The following C17orf113 variants were observed in gnomAD, a reference collection of about 807,000 sequenced individuals.
C17orf113 encodes chromosome 17 open reading frame 113.
A neutral mutation model predicts 11.6 loss-of-function variants in C17orf113; 5 were observed. The observed-to-expected ratio is 0.43, with a 90% confidence interval of 0.23 to 0.91. The LOEUF is 0.91. Among genes scored for constraint, C17orf113 ranks in the 40% least tolerant of loss-of-function variants. The pLI is 0.26. For synonymous variants in C17orf113, 327 were observed against 390.6 expected, an observed-to-expected ratio of 0.84 and a Z score of 1.92; for missense variants, 714 against 841.3, an observed-to-expected ratio of 0.85 and a Z score of 1.87.
chr17:42,046,136 A>G lies in C17orf113; in HGVS notation c.-187-2573T>C, dbSNP rs149955314. Reference sequence around the variant, plus strand: ...ATCCTCTAGTTCCCCACAGCTCCCTATGCGTGAGTCTTCATGACACAATAT... The same window carrying G: ...ATCCTCTAGTTCCCCACAGCTCCCTGTGCGTGAGTCTTCATGACACAATAT... On this transcript the variant is annotated intron_variant, in intron 1 of 2. Transcript: ENST00000587304. Among the ~76,000 whole-genome samples the G allele has an allele frequency of 1.6e-3, 242 of 152,252 alleles. 2 individuals are homozygous for G. The highest frequency in any genetic ancestry group is 5.7e-3 in the African/African-American group (237 of 41,562).
intron 1 of C17orf113, among the ~76,000 whole-genome samples, chr17:42,046,843 A>G (rs1299482017): frequency 6.6e-6 from 1 of 151,902 alleles, no homozygotes; most frequent in Non-Finnish European, 1.5e-5. Flanking sequence ...GAGACTGTCA[A>G]TTAGATGATA....
chr17:42,040,816 G>C lies in C17orf113; in HGVS notation c.917C>G (p.Pro306Arg). Residue 306 changes from proline to arginine, a missense_variant, in exon 3 of 3, where the codon CCC becomes CGC. By Grantham distance (103) the Pro-to-Arg change is moderately radical. Coordinates refer to ENST00000587304, the MANE Select transcript of C17orf113 (RefSeq NM_001358661.2). ...CTCATATTGACCCAAGTAGGCCGGG[G>C]GCTCAGGATCTGTCCGGCCAGGGAG... ...HCLPGRTDPE[P>R]PAYLGQYESI... 8.1e-7 allele frequency: 1 copy of C among 1,232,292 alleles called. No homozygotes were observed. Among genetic ancestry groups the C allele is most frequent in the Non-Finnish European group, 1.0e-6 (1 of 988,040 alleles). The allele number at this position is 1,232,292 out of a possible 1,614,324, so 76.3% of individuals were successfully genotyped here.
In C17orf113 at chr17:42,040,555, C is replaced by T. The variant is rs1383073536; in HGVS notation, c.1178G>A (p.Arg393His). ...PVAGSLALALRQFTFVAFTHL... is the reference protein window; with the variant it reads ...PVAGSLALALHQFTFVAFTHL... Reference sequence around the variant, plus strand: ...GGTGAAGGCCACGAAGGTGAACTGGCGCAGGGCCAGGGCCAGTGACCCCGC... The same window carrying T: ...GGTGAAGGCCACGAAGGTGAACTGGTGCAGGGCCAGGGCCAGTGACCCCGC... The change falls in exon 3 of 3, where the codon CGC becomes CAC. Residue 393 changes from arginine to histidine, a missense_variant. This residue lies in a region of C17orf113 where 516 missense variants were observed against 626.6 expected (regional missense o/e 0.82). Coordinates refer to ENST00000587304, the MANE Select transcript of C17orf113 (RefSeq NM_001358661.2). The T allele has an allele frequency of 5.8e-5, 72 of 1,232,938 alleles. No homozygotes were observed. The highest frequency in any genetic ancestry group is 7.1e-5 in the Non-Finnish European group (70 of 988,720). The allele number at this position is 1,232,938 out of a possible 1,614,324, so 76.4% of individuals were successfully genotyped here.
rs868950281 is a variant in C17orf113, at chr17:42,043,135, G to A, written c.242C>T (p.Thr81Ile). The change falls in exon 2 of 3, where the codon ACC becomes ATC. Residue 81 changes from threonine (T) to isoleucine (I), a missense_variant. Transcript: ENST00000587304. ...CAGAGCCTGGCGGTGGGCTCCTGAG[G>A]TCACGTGGCGCAGCAGGGCGTGGCG... is the stretch of plus-strand genomic sequence containing the variant. ...FQRHALLRHV[T>I]SGAHRQALAV... The A allele has an allele frequency of 9.7e-6, 12 of 1,232,244 alleles. No homozygotes were observed. The highest frequency in any genetic ancestry group is 1.2e-5 in the Non-Finnish European group (12 of 988,034). The allele number at this position is 1,232,244 out of a possible 1,614,324, so 76.3% of individuals were successfully genotyped here.
chr17:42,040,714 T>C lies in C17orf113; in HGVS notation c.1019A>G (p.Asp340Gly). The C allele has an allele frequency of 8.1e-7, 1 of 1,232,240 alleles. No individual in the cohort carries two copies. Among genetic ancestry groups the C allele is most frequent in the Non-Finnish European group, 1.0e-6 (1 of 988,084 alleles). The allele number at this position is 1,232,240 out of a possible 1,614,324, so 76.3% of individuals were successfully genotyped here. A position where few individuals can be genotyped will look rare whatever the true frequency, so the allele number is the denominator to read the frequency against. ...CCCTGCCAAGTCAATAGCTGCAAGGTCCAGTGCTGCCCGGAGCTCAGGGAC... is the reference window on the plus strand; with the variant it reads ...CCCTGCCAAGTCAATAGCTGCAAGGCCCAGTGCTGCCCGGAGCTCAGGGAC... ...HLVPELRAAL[D>G]LAAIDLAGPR... The change falls in exon 3 of 3, where the codon GAC becomes GGC. Residue 340 changes from aspartate (D) to glycine (G), a missense_variant. By Grantham distance (94) the Asp-to-Gly change is moderately conservative. This residue lies in a region of C17orf113 where 516 missense variants were observed against 626.6 expected (regional missense o/e 0.82). Transcript: ENST00000587304.
In C17orf113 at chr17:42,040,997, C is replaced by T. The variant is rs797029316; in HGVS notation, c.736G>A (p.Glu246Lys). Reference sequence around the variant, plus strand: ...TCCAAGAGCTGGCCAGCAGTGGCCTCGCCCTCCTGTAGCTCCACACTGCCC... The same window carrying T: ...TCCAAGAGCTGGCCAGCAGTGGCCTTGCCCTCCTGTAGCTCCACACTGCCC... ...FLGSVELQEG[E>K]ATAGQLLDIL... The change falls in exon 3 of 3, where the codon GAG becomes AAG. Residue 246 changes from glutamate (E) to lysine (K), a missense_variant. Transcript: ENST00000587304. 2.4e-6 allele frequency: 3 copies of T among 1,232,266 alleles called. No individual in the cohort carries two copies. Among genetic ancestry groups the T allele is most frequent in the East Asian group, 6.3e-5 (2 of 31,714 alleles). 76.3% of individuals were successfully genotyped at this position (1,232,266 alleles called of 1,614,324 possible). A position where few individuals can be genotyped will look rare whatever the true frequency, so the allele number is the denominator to read the frequency against.
chr17:42,046,079 C>T (rs2053154454), intron 1 of C17orf113, among the ~76,000 whole-genome samples: 1 of 152,204 alleles, frequency 6.6e-6, no homozygotes, highest in African/African-American at 2.4e-5. Flanking sequence ...TCCCTTCTGC[C>T]ATGCTGATCC....
chr17:42,039,747 C>G lies in C17orf113; in HGVS notation c.1986G>C (p.Glu662Asp). 1.6e-6 allele frequency: 2 copies of G among 1,232,468 alleles called. No individual in the cohort carries two copies. Among genetic ancestry groups the G allele is most frequent in the Non-Finnish European group, 2.0e-6 (2 of 988,172 alleles). 76.3% of individuals were successfully genotyped at this position (1,232,468 alleles called of 1,614,324 possible). The change falls in exon 3 of 3, where the codon GAG becomes GAC. Residue 662 changes from glutamate to aspartate, a missense_variant. By Grantham distance (45) the Glu-to-Asp change is conservative. Coordinates refer to ENST00000587304, the MANE Select transcript of C17orf113 (RefSeq NM_001358661.2). ...CCAGGAAGCCCTCTCCCCACCCACT[C>G]TCTAAGAACTCCACAGCCAACCCGA... ...FDFGLAVEFL[E>D]SGWGEGFLGS...
chr17:42,040,144 G>A lies in C17orf113; in HGVS notation c.1589C>T (p.Pro530Leu), dbSNP rs1369560116. ...CTCGCCATGCGTGCCCAGCTCCTCC[G>A]GCGCCTGCGGGTAGCGTCGGGGGTC... ...IFDPRRYPQAPEELGTHGEGA... is the reference protein window; with the variant it reads ...IFDPRRYPQALEELGTHGEGA... Residue 530 changes from proline (P) to leucine (L), a missense_variant, in exon 3 of 3, where the codon CCG becomes CTG. This residue lies in a region of C17orf113 where 194 missense variants were observed against 197.2 expected (regional missense o/e 0.98). Coordinates refer to ENST00000587304, the MANE Select transcript of C17orf113 (RefSeq NM_001358661.2). 5 of 1,231,346 alleles carry A rather than the reference G, an allele frequency of 4.1e-6. No homozygotes were observed. In the African/African-American group the frequency reaches 7.8e-5, roughly 19 times the overall value. 76.3% of individuals were successfully genotyped at this position (1,231,346 alleles called of 1,614,324 possible).
intron 1 of C17orf113, among the ~76,000 whole-genome samples, chr17:42,046,955 C>T (rs955387203): frequency 5.1e-4 from 77 of 151,724 alleles, no homozygotes; most frequent in Admixed American, 1.6e-3. Flanking sequence ...CTCCACCTCC[C>T]GGATTCAAGC....
intron 1 of C17orf113, among the ~76,000 whole-genome samples, chr17:42,048,546 C>G (rs1390099761): frequency 3.9e-5 from 6 of 152,064 alleles, no homozygotes; most frequent in Non-Finnish European, 8.8e-5. Flanking sequence ...GACCCTGTCT[C>G]TAAAAACAAA....
At position 42,043,122 on chromosome 17, in the gene C17orf113, G is replaced by T; in HGVS notation, c.255C>A (p.His85Gln). 8.1e-7 allele frequency: 1 copy of T among 1,232,274 alleles called. No homozygotes were observed. Among genetic ancestry groups the T allele is most frequent in the Non-Finnish European group, 1.0e-6 (1 of 988,038 alleles). The allele number at this position is 1,232,274 out of a possible 1,614,324, so 76.3% of individuals were successfully genotyped here. ...CCTGGTTGACAGCCAGAGCCTGGCG[G>T]TGGGCTCCTGAGGTCACGTGGCGCA... ...ALLRHVTSGA[H>Q]RQALAVNQGQ... The change falls in exon 2 of 3, where the codon CAC (histidine) becomes CAA (glutamine). Residue 85 changes from histidine (H) to glutamine (Q), a missense_variant. By Grantham distance (24) the His-to-Gln change is conservative. Transcript: ENST00000587304.
In C17orf113 at chr17:42,043,145, G is replaced by A. The variant is rs1370981904; in HGVS notation, c.232C>T (p.Arg78Cys). The A allele has an allele frequency of 2.0e-5, 25 of 1,232,106 alleles. No individual in the cohort carries two copies. The highest frequency in any genetic ancestry group is 7.8e-5 in the African/African-American group (5 of 64,418). The allele number at this position is 1,232,106 out of a possible 1,614,324, so 76.3% of individuals were successfully genotyped here. The stretch of plus-strand genomic sequence containing the variant: ...CGGTGGGCTCCTGAGGTCACGTGGC[G>A]CAGCAGGGCGTGGCGCTGGAAGTTG... ...TDNFQRHALL[R>C]HVTSGAHRQA... is the part of the protein sequence containing the mutation. The change falls in exon 2 of 3, where the codon CGC becomes TGC. Residue 78 changes from arginine to cysteine, a missense_variant. By Grantham distance (180) the Arg-to-Cys change is radical. This residue lies in a region of C17orf113 where 516 missense variants were observed against 626.6 expected (regional missense o/e 0.82). Coordinates refer to ENST00000587304, the MANE Select transcript of C17orf113 (RefSeq NM_001358661.2).
rs1598186462 is a variant in C17orf113 at position 42,043,019 on chromosome 17, C to T, written c.358G>A (p.Val120Ile). 8.1e-6 allele frequency: 10 copies of T among 1,232,244 alleles called. No individual in the cohort carries two copies. In the East Asian group the frequency reaches 1.6e-4, roughly 19 times the overall value. 76.3% of individuals were successfully genotyped at this position (1,232,244 alleles called of 1,614,324 possible). A position where few individuals can be genotyped will look rare whatever the true frequency, so the allele number is the denominator to read the frequency against. The change falls in exon 2 of 3, where the codon GTC becomes ATC. Residue 120 changes from valine (V) to isoleucine (I), a missense_variant. Around this residue, in one of 3 missense-constraint regions of C17orf113, gnomAD observed 516 missense variants for 626.6 expected, o/e 0.82. Coordinates refer to ENST00000587304, the MANE Select transcript of C17orf113 (RefSeq NM_001358661.2). ...GLATTPASRG[V>I]KVELDPAKVA... Reference sequence around the variant, plus strand: ...TTGGCCGGGTCTAACTCCACCTTGACGCCCCTGGAGGCAGGGGTCGTAGCC... The same window carrying T: ...TTGGCCGGGTCTAACTCCACCTTGATGCCCCTGGAGGCAGGGGTCGTAGCC...
At position 42,038,564 on chromosome 17, in the gene C17orf113, G is replaced by C; in HGVS notation, c.*1141C>G. 6.5e-6 allele frequency: 1 copy of C among 153,244 alleles called. No individual in the cohort carries two copies. The highest frequency in any genetic ancestry group is 1.5e-5 in the Non-Finnish European group (1 of 68,758). The allele number at this position is 153,244 out of a possible 1,614,324, so 9.5% of individuals were successfully genotyped here. ...AAGGTCTGAGGCAAGGGCAGGGGAG[G>C]GGTAGGAACTTGGAGAGCAACTGGA... On this transcript the variant is annotated 3_prime_UTR_variant, in exon 3 of 3. Coordinates refer to ENST00000587304, the MANE Select transcript of C17orf113 (RefSeq NM_001358661.2).
Position 42,039,519 on chromosome 17 carries a change from C to T in C17orf113, c.*186G>A. 2.4e-6 allele frequency: 1 copy of T among 421,872 alleles called. No homozygotes were observed. The highest frequency in any genetic ancestry group is 3.8e-6 in the Non-Finnish European group (1 of 265,678). The allele number at this position is 421,872 out of a possible 1,614,324, so 26.1% of individuals were successfully genotyped here. A position where few individuals can be genotyped will look rare whatever the true frequency, so the allele number is the denominator to read the frequency against. ...CCGCCCAGGCCCCTCTTGAGCCAGT[C>T]CCTTCCTCCACAGCCCACAGGGTGG... On this transcript the variant is annotated 3_prime_UTR_variant, in exon 3 of 3. Coordinates refer to ENST00000587304, the MANE Select transcript of C17orf113 (RefSeq NM_001358661.2).
chr17:42,045,334 C>A (rs1419534284), intron 1 of C17orf113, among the ~76,000 whole-genome samples: 2 of 151,910 alleles, frequency 1.3e-5, no homozygotes, highest in Non-Finnish European at 2.9e-5. Context: ...TACAGGCGTG[C>A]GCCACCGCGC....
chr17:42,040,391 C>A lies in C17orf113; in HGVS notation c.1342G>T (p.Ala448Ser), dbSNP rs2052988371. 3.2e-6 allele frequency: 4 copies of A among 1,231,864 alleles called. No homozygotes were observed. Among genetic ancestry groups the A allele is most frequent in the East Asian group, 3.2e-5 (1 of 31,720 alleles). The allele number at this position is 1,231,864 out of a possible 1,614,324, so 76.3% of individuals were successfully genotyped here. ...SLQAQRGSGG[A>S]RLQGFLQELA... ...TCCTGCAGGAAGCCCTGGAGGCGGG[C>A]CCCACCTGAGCCGCGCTGAGCTTGG... The change falls in exon 3 of 3, where the codon GCC becomes TCC. Residue 448 changes from alanine to serine, a missense_variant. By Grantham distance (99) the Ala-to-Ser change is moderately conservative. Around this residue, in one of 3 missense-constraint regions of C17orf113, gnomAD observed 516 missense variants for 626.6 expected, o/e 0.82. Transcript: ENST00000587304.
At position 42,043,002 on chromosome 17, in the gene C17orf113, G is replaced by T; in HGVS notation, c.375C>A (p.Asp125Glu). 8.1e-7 allele frequency: 1 copy of T among 1,232,376 alleles called. No individual in the cohort carries two copies. Among genetic ancestry groups the T allele is most frequent in the Non-Finnish European group, 1.0e-6 (1 of 988,108 alleles). 76.3% of individuals were successfully genotyped at this position (1,232,376 alleles called of 1,614,324 possible). ...TAGTCAGCACAGCCACTTTGGCCGG[G>T]TCTAACTCCACCTTGACGCCCCTGG... ...PASRGVKVEL[D>E]PAKVAVLTTV... Residue 125 changes from aspartate (D) to glutamate (E), a missense_variant, in exon 2 of 3, where the codon GAC becomes GAA. By Grantham distance (45) the Asp-to-Glu change is conservative. Transcript: ENST00000587304.
Sources: allele counts gnomAD v4.1 joint callset (sites outside exome capture counted in the v4.1 genomes callset), GRCh38; gene constraint gnomAD v4.1.1; regional missense constraint gnomAD v4.1.1; transcripts MANE v1.5; gene names NCBI Gene and HGNC (gene_info 2026-07-23, HGNC 2026-07-21).